PIKFYVE: variants seen among roughly 807,000 people sequenced by gnomAD.
PIKFYVE encodes the protein 1-phosphatidylinositol 3-phosphate 5-kinase.
Under a neutral mutation model 257.9 loss-of-function variants are expected in PIKFYVE, and 122 were observed. That is an observed-to-expected ratio of 0.47 (90% CI 0.41 to 0.55). The LOEUF (loss-of-function observed/expected upper bound fraction) is 0.55, where lower values mean the gene tolerates loss of function less well. Among genes scored for constraint, PIKFYVE ranks in the 20% least tolerant of loss-of-function variants. The pLI, the probability that PIKFYVE is intolerant of heterozygous loss-of-function variation, is 0.00. For synonymous variants in PIKFYVE, 892 were observed against 868.9 expected (o/e 1.03, Z -0.47); for missense variants, 2,160 against 2,536.6 (o/e 0.85, Z 3.19).
chr2:208,347,753 T>G (rs939870527), intron 34 of PIKFYVE, 106 bp from the exon 35 acceptor site: 1 of 931,580 alleles, frequency 1.1e-6, no homozygotes, highest in Non-Finnish European at 1.7e-6. Flanking sequence ...TCAGATTGAT[T>G]AGCTTCATAT....
chr2:208,271,472 G>C, intron 1 of PIKFYVE, 39 bp from the exon 2 acceptor site: 1 of 1,599,444 alleles, frequency 6.3e-7, no homozygotes, highest in Non-Finnish European at 8.6e-7. Flanking sequence ...TGAGCTTCCT[G>C]AGGAATTTAG....
intron 17 of PIKFYVE, among the ~76,000 whole-genome samples, chr2:208,320,803 T>C (rs1434105226): frequency 6.6e-6 from 1 of 152,252 alleles, no homozygotes; most frequent in Admixed American, 6.5e-5. Context: ...CCAGAATAGC[T>C]GCATTAGGTT....
chr2:208,353,903 T>C lies in PIKFYVE; in HGVS notation c.5850T>C (p.Phe1950=). The change falls in exon 40 of 42, where the codon TTT becomes TTC. Residue 1950 remains phenylalanine, a synonymous_variant. Coordinates refer to ENST00000264380, the MANE Select transcript of PIKFYVE (RefSeq NM_015040.4). ...LFYGRKMAQV[F]DLKGSLRNRN... is the part of the protein sequence containing the mutation. The stretch of plus-strand genomic sequence containing the variant: ...AAGCATTTTCTTTTTACTAGGTTTT[T>C]GATTTGAAGGGCTCTCTTAGGAATC... The C allele has an allele frequency of 6.2e-7, 1 of 1,613,786 alleles. No individual in the cohort carries two copies. The highest frequency in any genetic ancestry group is 1.1e-5 in the South Asian group (1 of 91,070).
intron 23 of PIKFYVE, among the ~76,000 whole-genome samples, chr2:208,332,361 G>T (rs1038314935): frequency 6.6e-6 from 1 of 152,160 alleles, no homozygotes; most frequent in African/African-American, 2.4e-5. Flanking sequence ...TATTGTTGGA[G>T]ACTGTATACA....
intron 7 of PIKFYVE, among the ~76,000 whole-genome samples, chr2:208,291,695 T>C (rs949739717): frequency 6.6e-6 from 1 of 152,114 alleles, no homozygotes; most frequent in Non-Finnish European, 1.5e-5. Context: ...ATTAGTACTT[T>C]GTGTTTTCTC....
chr2:208,336,634 T>A (rs1299022124), intron 27 of PIKFYVE, among the ~76,000 whole-genome samples: 2 of 152,024 alleles, frequency 1.3e-5, no homozygotes, highest in African/African-American at 2.4e-5. Context: ...ATTTTTTTTT[T>A]ACAACTATAG....
Position 208,350,759 on chromosome 2 carries a change from T to A in PIKFYVE, c.5435-12T>A, listed in dbSNP as rs771810830. The A allele has an allele frequency of 6.2e-7, 1 of 1,613,854 alleles. No individual in the cohort carries two copies. Among genetic ancestry groups the A allele is most frequent in the Non-Finnish European group, 8.5e-7 (1 of 1,179,914 alleles). On this transcript the variant is annotated splice_polypyrimidine_tract_variant and intron_variant, in intron 36 of 41. Coordinates refer to ENST00000264380, the MANE Select transcript of PIKFYVE (RefSeq NM_015040.4). Reference sequence around the variant, plus strand: ...TCATAAAGCTTTTTAAAAAAACTTCTGTTGTTTATAGAATTTTCAGATGCT... The same window carrying A: ...TCATAAAGCTTTTTAAAAAAACTTCAGTTGTTTATAGAATTTTCAGATGCT...
intron 5 of PIKFYVE, among the ~76,000 whole-genome samples, chr2:208,283,270 C>T (rs554004388): frequency 6.6e-6 from 1 of 152,178 alleles, no homozygotes; most frequent in Non-Finnish European, 1.5e-5. Context: ...CTGCATCTGT[C>T]ATGCAGCTTT....
In PIKFYVE at chr2:208,351,335, A is replaced by C. The variant is rs1325197182; in HGVS notation, c.5612-17A>C. The C allele has an allele frequency of 3.9e-6, 6 of 1,556,120 alleles. No homozygotes were observed. The highest frequency in any genetic ancestry group is 1.4e-5 in the African/African-American group (1 of 73,594). ...TATATTGTGATTGAGTAAACACATA[A>C]AATTTCTGCCTTTTAGATGATAGAT... On this transcript the variant is annotated splice_polypyrimidine_tract_variant and intron_variant, in intron 37 of 41. Transcript: ENST00000264380.
intron 34 of PIKFYVE, among the ~76,000 whole-genome samples, chr2:208,346,594 A>C (rs1699255165): frequency 6.6e-6 from 1 of 152,228 alleles, no homozygotes; most frequent in Non-Finnish European, 1.5e-5. Flanking sequence ...GGAACTTAAA[A>C]TTTAGATTTA....
chr2:208,305,491 C>T (rs1694213271), intron 12 of PIKFYVE: 1 of 895,788 alleles, frequency 1.1e-6, no homozygotes, highest in Non-Finnish European at 1.3e-6. Context: ...CATAATAATT[C>T]ATAATGCTTA....
At chr2:208,297,550 T>C (rs1161615539) in intron 7 of PIKFYVE, among the ~76,000 whole-genome samples, 2 of 152,190 alleles carry the variant, frequency 1.3e-5, no homozygotes, top group Non-Finnish European at 2.9e-5. Context: ...CCCTGATACA[T>C]ATTAGGCGAG....
chr2:208,336,311 T>A, intron 27 of PIKFYVE, 111 bp downstream of exon 27: 1 of 1,275,358 alleles, frequency 7.8e-7, no homozygotes, highest in Non-Finnish European at 1.1e-6. Flanking sequence ...GTGCTCAAGT[T>A]AAAGAGCCTT....
chr2:208,277,087 G>A (rs1170537361), intron 4 of PIKFYVE, among the ~76,000 whole-genome samples: 3 of 152,052 alleles, frequency 2.0e-5, no homozygotes, highest in African/African-American at 7.2e-5. Context: ...TTCTCCTATG[G>A]TTTCTTCAAG....
At chr2:208,330,758 T>G in intron 23 of PIKFYVE, 64 bp downstream of exon 23, 1 of 1,395,200 alleles carries the variant, frequency 7.2e-7, no homozygotes, top group Non-Finnish European at 9.5e-7. Context: ...GTTTTTTTTT[T>G]TTCCTGAGGA....
At chr2:208,317,232 CATCTGACAAAGGGCTAAT>C (rs1695632509) in intron 15 of PIKFYVE, among the ~76,000 whole-genome samples, 1 of 151,894 alleles carries the variant, frequency 6.6e-6, no homozygotes, top group Non-Finnish European at 1.5e-5. Context: ...GCAACCTACT[CATCTGACAAAGGGCTAAT>C]ATCCACAATC....
intron 23 of PIKFYVE, 35 bp from the exon 24 acceptor site, chr2:208,333,280 A>G (rs1697764757): frequency 4.4e-6 from 7 of 1,592,474 alleles, no homozygotes; most frequent in Non-Finnish European, 5.2e-6. Flanking sequence ...GATTCTCAAT[A>G]TGTGATTAGG....
In PIKFYVE at chr2:208,302,242, G is replaced by A. The variant is rs1237963746; in HGVS notation, c.1209G>A (p.Arg403=). 6.2e-7 allele frequency: 1 copy of A among 1,613,892 alleles called. No homozygotes were observed. The highest frequency in any genetic ancestry group is 1.7e-5 in the Admixed American group (1 of 60,014). Residue 403 remains arginine, a splice_region_variant and synonymous_variant, in exon 10 of 42, where the codon AGG becomes AGA. Transcript: ENST00000264380. ...WLIRNGHIAT[R]AQAIAIGQAM... ...TTCATTTTTGTGGGTCTTGATTCAG[G>A]GCACAAGCTATAGCAATTGGACAAG...
rs758117456 is a variant in PIKFYVE at position 208,273,716 on chromosome 2, G to A, written c.305G>A (p.Arg102Gln). Residue 102 changes from arginine (R) to glutamine (Q), a missense_variant, in exon 3 of 42, where the codon CGG (arginine) becomes CAG (glutamine). This residue lies in a region of PIKFYVE where 172 missense variants were observed against 180.6 expected (regional missense o/e 0.95). Transcript: ENST00000264380. ...AAGCAGCTTAATGAGGAACTCCAGC[G>A]GCGCTCTTCAGCATTAGGTAAAACA... ...YKKQLNEELQ[R>Q]RSSALDTRRK... The A allele has an allele frequency of 1.2e-5, 20 of 1,614,022 alleles. No individual in the cohort carries two copies. Among genetic ancestry groups the A allele is most frequent in the South Asian group, 3.3e-5 (3 of 91,090 alleles).
Sources: allele counts gnomAD v4.1 joint callset (sites outside exome capture counted in the v4.1 genomes callset), GRCh38; gene constraint gnomAD v4.1.1; regional missense constraint gnomAD v4.1.1; transcripts MANE v1.5; gene names NCBI Gene and HGNC (gene_info 2026-07-23, HGNC 2026-07-21).